NINL: variants seen among roughly 807,000 people sequenced by gnomAD.
NINL encodes ninein-like protein.
NINL carries 153 observed loss-of-function variants against 160.3 expected under a neutral mutation model. That is an observed-to-expected ratio of 0.95 (90% confidence interval 0.84 to 1.09). The LOEUF is 1.09. Among genes scored for constraint, NINL ranks in the 50% least tolerant of loss-of-function variants. The probability of loss-of-function intolerance (pLI) is 0.00; values close to 1 mark genes in which losing one functional copy is unlikely to be tolerated. For synonymous variants in NINL, 800 were observed against 734.8 expected (o/e 1.09, Z -1.43); for missense variants, 1,829 against 1,764.0 (o/e 1.04, Z -0.66).
intron 1 of NINL, among the ~76,000 whole-genome samples, chr20:25,560,524 C>T (rs987067503): frequency 5.3e-5 from 8 of 152,192 alleles, no homozygotes; most frequent in Non-Finnish European, 1.2e-4. Flanking sequence ...TGAGCCAAGG[C>T]CTGGAGCCCA....
In NINL at chr20:25,453,574, T is replaced by C. The variant is rs531568222; in HGVS notation, c.4026A>G (p.Arg1342=). The C allele has an allele frequency of 9.8e-5, 158 of 1,614,112 alleles. 4 individuals are homozygous for C. In the South Asian group the frequency reaches 1.7e-3, roughly 17 times the overall value. ...ELYVENAHLV[R]ALQATEEKQR... ...GCTTCTCCTCGGTGGCCTGAAGTGCTCTCACCAGGTGGGCGTTCTCCACGT... is the reference window on the plus strand; with the variant it reads ...GCTTCTCCTCGGTGGCCTGAAGTGCCCTCACCAGGTGGGCGTTCTCCACGT... Residue 1342 remains arginine (R), a synonymous_variant, in exon 24 of 24, where the codon AGA becomes AGG. Transcript: ENST00000278886.
intron 9 of NINL, among the ~76,000 whole-genome samples, chr20:25,497,781 G>T (rs1379972063): frequency 2.0e-5 from 3 of 152,148 alleles, no homozygotes; most frequent in Admixed American, 6.5e-5. Context: ...CCTGGCGCTG[G>T]CAAGCGCCTG....
chr20:25,466,661 A>G (rs1303820101), intron 19 of NINL, among the ~76,000 whole-genome samples: 1 of 152,040 alleles, frequency 6.6e-6, no homozygotes, highest in African/African-American at 2.4e-5. Context: ...TTAGCCACGC[A>G]TGGTGGTACA....
At chr20:25,521,368 C>T (rs932729972) in intron 2 of NINL, among the ~76,000 whole-genome samples, 7 of 152,058 alleles carry the variant, frequency 4.6e-5, no homozygotes, top group Non-Finnish European at 1.0e-4. Flanking sequence ...ATATAGTAAC[C>T]ATAGTTGTTT....
At chr20:25,530,317 C>G (rs2064434702) in intron 1 of NINL, among the ~76,000 whole-genome samples, 1 of 152,142 alleles carries the variant, frequency 6.6e-6, no homozygotes, top group Non-Finnish European at 1.5e-5. Flanking sequence ...TATTTTCCAA[C>G]TTGTTTTTAA....
intron 1 of NINL, among the ~76,000 whole-genome samples, chr20:25,574,467 A>G (rs1437318074): frequency 2.6e-5 from 4 of 152,182 alleles, no homozygotes; most frequent in Admixed American, 6.5e-5. Flanking sequence ...ACAGTGACAC[A>G]TGGCTATCAG....
intron 7 of NINL, among the ~76,000 whole-genome samples, chr20:25,503,675 A>T (rs1265901267): frequency 6.6e-6 from 1 of 152,174 alleles, no homozygotes; most frequent in Non-Finnish European, 1.5e-5. Context: ...TGTGCACCCG[A>T]ACCACCCCCA....
intron 3 of NINL, among the ~76,000 whole-genome samples, chr20:25,514,739 C>T (rs961922963): frequency 3.3e-5 from 5 of 152,224 alleles, no homozygotes; most frequent in African/African-American, 4.8e-5. Flanking sequence ...CTGCTCCCTA[C>T]GTCCCAGCTG....
chr20:25,526,589 C>T lies in NINL; in HGVS notation c.-2G>A, dbSNP rs748217240. ...ATAGTGGTTCTCTTCTTCATCCATC[C>T]CATAGCAGGCTGGCAGTGTGCAAGG... On this transcript the variant is annotated 5_prime_UTR_variant, in exon 2 of 24. Coordinates refer to ENST00000278886, the MANE Select transcript of NINL (RefSeq NM_025176.6). 1.9e-6 allele frequency: 3 copies of T among 1,612,598 alleles called. No homozygotes were observed. The African/African-American group carries it at 4.0e-5, about 22-fold the overall frequency.
chr20:25,465,637 G>A (rs934838600), intron 19 of NINL, among the ~76,000 whole-genome samples: 5 of 152,060 alleles, frequency 3.3e-5, no homozygotes, highest in Non-Finnish European at 5.9e-5. Context: ...CTTCCCAGCC[G>A]AGACCCCACA....
intron 17 of NINL, among the ~76,000 whole-genome samples, chr20:25,473,675 T>TACACACACACACACACAC (rs56359105): frequency 1.4e-5 from 2 of 137,994 alleles, no homozygotes; most frequent in African/African-American, 2.7e-5. Flanking sequence ...AATACACACA[T>TACACACACACACACACAC]ACACACACAC....
intron 21 of NINL, among the ~76,000 whole-genome samples, chr20:25,460,929 C>T (rs1400627433): frequency 6.6e-6 from 1 of 152,196 alleles, no homozygotes; most frequent in Admixed American, 6.5e-5. Flanking sequence ...GGCCGTTACA[C>T]ACCTGCTCTT....
intron 13 of NINL, among the ~76,000 whole-genome samples, chr20:25,484,338 G>A (rs1198862535): frequency 1.3e-5 from 2 of 152,098 alleles, no homozygotes; most frequent in East Asian, 1.9e-4. Context: ...AAGACACAGC[G>A]ACCCCTAGGA....
At chr20:25,521,165 A>G (rs1163220228) in intron 2 of NINL, among the ~76,000 whole-genome samples, 1 of 152,222 alleles carries the variant, frequency 6.6e-6, no homozygotes, top group Non-Finnish European at 1.5e-5. Context: ...TTCATGCTGC[A>G]TTCTGGATGA....
chr20:25,501,083 C>T, intron 7 of NINL, 73 bp from the exon 8 acceptor site: 1 of 1,520,252 alleles, frequency 6.6e-7, no homozygotes, highest in Non-Finnish European at 8.8e-7. Context: ...ATGTGCTCTC[C>T]ACCCTCCCCA....
chr20:25,580,874 C>T (rs1013898857), intron 1 of NINL, among the ~76,000 whole-genome samples: 3 of 152,234 alleles, frequency 2.0e-5, no homozygotes, highest in African/African-American at 7.2e-5. Flanking sequence ...CTAATCTGCA[C>T]TTGAAGCCAA....
In NINL at chr20:25,453,219, T is replaced by TAGA. The variant is rs2090574728; in HGVS notation, c.*231_*232insTCT. 2.6e-6 allele frequency: 1 copy of TAGA among 380,252 alleles called. No homozygotes were observed. The highest frequency in any genetic ancestry group is 4.6e-6 in the Non-Finnish European group (1 of 215,372). 23.6% of individuals were successfully genotyped at this position (380,252 alleles called of 1,614,324 possible). ...AAACTGGGAATTTTGCCAAGGGAAA[T>TAGA]TACTCAGGACCGCTAATAAAAACGC... On this transcript the variant is annotated 3_prime_UTR_variant, in exon 24 of 24. Coordinates refer to ENST00000278886, the MANE Select transcript of NINL (RefSeq NM_025176.6).
intron 22 of NINL, among the ~76,000 whole-genome samples, chr20:25,456,434 G>C (rs528630795): frequency 6.6e-6 from 1 of 151,832 alleles, no homozygotes; most frequent in African/African-American, 2.4e-5. Context: ...TGTAGTCCCA[G>C]CTACTCGGGA....
intron 13 of NINL, among the ~76,000 whole-genome samples, chr20:25,482,320 T>A (rs901216723): frequency 6.6e-6 from 1 of 152,220 alleles, no homozygotes; most frequent in Non-Finnish European, 1.5e-5. Context: ...TTTCTCACTT[T>A]TAAAAACTTT....
Sources: gnomAD v4.1 joint callset for allele counts (sites outside exome capture counted in the v4.1 genomes callset) on GRCh38, gnomAD v4.1.1 for gene constraint, MANE v1.5 for transcripts, NCBI Gene and HGNC (gene_info 2026-07-23, HGNC 2026-07-21) for gene names.